Variants in RLF observed in about 807,000 individuals in gnomAD.
The protein encoded by RLF is zinc finger protein Rlf.
In RLF, 7 loss-of-function variants were observed where a neutral mutation model predicts 162.9. That is an observed-to-expected ratio of 0.04 (90% CI 0.02 to 0.08). The LOEUF (loss-of-function observed/expected upper bound fraction) is 0.08. Ranked by LOEUF, RLF falls within the 10% of genes least tolerant of loss-of-function variation. RLF has a pLI of 1.00. For synonymous variants in RLF, 782 were observed against 791.5 expected (o/e 0.99, Z 0.20); for missense variants, 1,664 against 2,244.7 (o/e 0.74, Z 5.23).
At chr1:40,210,423 G>T (rs1642850951) in intron 5 of RLF, among the ~76,000 whole-genome samples, 1 of 152,148 alleles carries the variant, frequency 6.6e-6, no homozygotes, top group African/African-American at 2.4e-5. Context: ...TAAAGCACAG[G>T]TACTAATGAG....
At chr1:40,173,108 C>CTTTTTTTTTT (rs1642270263) in intron 1 of RLF, among the ~76,000 whole-genome samples, 2 of 112,524 alleles carry the variant, frequency 1.8e-5, no homozygotes, top group African/African-American at 8.4e-5. Flanking sequence ...CAGAGTTTTG[C>CTTTTTTTTTT]TCTTATTGCC....
intron 6 of RLF, among the ~76,000 whole-genome samples, chr1:40,227,789 G>C (rs984870543): frequency 2.0e-5 from 3 of 152,128 alleles, no homozygotes; most frequent in Admixed American, 6.5e-5. Flanking sequence ...TGGATCATGA[G>C]TTCCGGAGTT....
At position 40,239,033 on chromosome 1, in the gene RLF, T is replaced by C; in HGVS notation, c.4331T>C (p.Ile1444Thr). 2.5e-6 allele frequency: 4 copies of C among 1,614,208 alleles called. No individual in the cohort carries two copies. The highest frequency in any genetic ancestry group is 3.4e-6 in the Non-Finnish European group (4 of 1,180,024). The change falls in exon 8 of 8, where the codon ATT (isoleucine) becomes ACT (threonine). Residue 1444 changes from isoleucine (I) to threonine (T), a missense_variant. Physicochemically the swap from Ile to Thr is moderately conservative, Grantham distance 89. This residue lies in a region of RLF where 200 missense variants were observed against 207.3 expected (regional missense o/e 0.96). Transcript: ENST00000372771. ...GGGGAAATACATTCAGATTATGAAATTCATTGTGATCTTAATGGCTGTGGC... is the reference window on the plus strand; with the variant it reads ...GGGGAAATACATTCAGATTATGAAACTCATTGTGATCTTAATGGCTGTGGC... Reference protein sequence around the residue: ...IEGEIHSDYEIHCDLNGCGQI... With the variant: ...IEGEIHSDYETHCDLNGCGQI...
At chr1:40,180,539 G>C (rs764736305) in intron 1 of RLF, among the ~76,000 whole-genome samples, 4 of 152,122 alleles carry the variant, frequency 2.6e-5, no homozygotes, top group Non-Finnish European at 5.9e-5. Flanking sequence ...TGAGATTACA[G>C]GTGTGAGCCA....
At chr1:40,202,346 C>G in intron 4 of RLF, 66 bp from the exon 5 acceptor site, 2 of 1,030,014 alleles carry the variant, frequency 1.9e-6, no homozygotes, top group Non-Finnish European at 2.8e-6. Context: ...CTCAAACTTT[C>G]ATCTTAGCAA....
rs371920206 is a variant in RLF, at chr1:40,207,173, A to G, written c.810+4559A>G. ...GTTTACTGGTATATCCCTGTATTCT[A>G]GAAGAATGCTTAGCCATGTAGGCAC... On this transcript the variant is annotated intron_variant, in intron 5 of 7. Transcript: ENST00000372771. Among the ~76,000 whole-genome samples, 111 of 152,340 alleles carry G rather than the reference A, an allele frequency of 7.3e-4. 5 individuals are homozygous for G. The South Asian group carries it at 0.023, about 31-fold the overall frequency.
At chr1:40,215,948 TAAATG>T (rs1196277378) in intron 5 of RLF, among the ~76,000 whole-genome samples, 1 of 151,574 alleles carries the variant, frequency 6.6e-6, no homozygotes, top group African/African-American at 2.4e-5. Flanking sequence ...AGAGTATAAA[TAAATG>T]AAATAGAGAA....
chr1:40,224,442 A>G (rs930985371), intron 6 of RLF, among the ~76,000 whole-genome samples: 2 of 149,942 alleles, frequency 1.3e-5, no homozygotes, highest in African/African-American at 2.5e-5. Context: ...ACGCCCGACT[A>G]ATTTTTGTAT....
intron 1 of RLF, among the ~76,000 whole-genome samples, chr1:40,178,619 G>GTTTTTTTTT (rs1197339822): frequency 2.3e-5 from 2 of 85,598 alleles, no homozygotes; most frequent in African/African-American, 4.4e-5. Flanking sequence ...TGTCTTTGGT[G>GTTTTTTTTT]TTTTTTTTTT....
chr1:40,221,220 A>AT (rs1310823069), intron 5 of RLF, among the ~76,000 whole-genome samples: 1 of 152,082 alleles, frequency 6.6e-6, no homozygotes, highest in African/African-American at 2.4e-5. Flanking sequence ...CAATTTAAAC[A>AT]TTTTTAATTT....
At chr1:40,231,440 A>G in intron 6 of RLF, 77 bp from the exon 7 acceptor site, 1 of 1,367,538 alleles carries the variant, frequency 7.3e-7, no homozygotes, top group Non-Finnish European at 1.0e-6. Flanking sequence ...CTACAGATCA[A>G]AAAATTGGGT....
At chr1:40,202,385 A>C in intron 4 of RLF, 27 bp from the exon 5 acceptor site, 1 of 1,478,278 alleles carries the variant, frequency 6.8e-7, no homozygotes, top group East Asian at 2.4e-5. Flanking sequence ...TATGTTGTCA[A>C]ACTGTTTTAT....
intron 6 of RLF, among the ~76,000 whole-genome samples, chr1:40,223,654 A>G (rs559386599): frequency 6.6e-6 from 1 of 152,332 alleles, no homozygotes; most frequent in South Asian, 2.1e-4. Context: ...GGTTAATACC[A>G]TTGTATGTTA....
intron 5 of RLF, among the ~76,000 whole-genome samples, chr1:40,204,379 C>T (rs1336831824): frequency 6.6e-6 from 1 of 151,844 alleles, no homozygotes; most frequent in Non-Finnish European, 1.5e-5. Context: ...AAATCTTCAC[C>T]TACTCTATGT....
intron 1 of RLF, among the ~76,000 whole-genome samples, chr1:40,162,157 C>T (rs1014998454): frequency 6.6e-6 from 1 of 151,140 alleles, no homozygotes; most frequent in Admixed American, 6.6e-5. Context: ...TTAGGGATTG[C>T]GGAGCCGGTT....
At chr1:40,204,141 G>A (rs761824590) in intron 5 of RLF, among the ~76,000 whole-genome samples, 5 of 149,760 alleles carry the variant, frequency 3.3e-5, no homozygotes, top group African/African-American at 4.9e-5. Flanking sequence ...TCAGCCTCCC[G>A]AGTAGCTGGG....
chr1:40,221,099 A>C (rs1215457413), intron 5 of RLF, among the ~76,000 whole-genome samples: 1 of 152,062 alleles, frequency 6.6e-6, no homozygotes, highest in East Asian at 1.9e-4. Context: ...CCCTAACTGC[A>C]CTGCAGCCTT....
Position 40,240,636 on chromosome 1 carries a change from A to G in RLF, c.*189A>G, listed in dbSNP as rs1643280965. The G allele has an allele frequency of 1.8e-6, 1 of 544,822 alleles. No homozygotes were observed. The allele number at this position is 544,822 out of a possible 1,614,324, so 33.7% of individuals were successfully genotyped here. On this transcript the variant is annotated 3_prime_UTR_variant, in exon 8 of 8. Coordinates refer to ENST00000372771, the MANE Select transcript of RLF (RefSeq NM_012421.4). ...CATTAGCTCTCCAGTTGGTTTAATG[A>G]TTGGGTTTATTTTTGTTTGTTTGTT... is the stretch of plus-strand genomic sequence containing the variant.
chr1:40,193,286 A>G (rs1642585624), intron 3 of RLF, among the ~76,000 whole-genome samples: 1 of 152,140 alleles, frequency 6.6e-6, no homozygotes, highest in Non-Finnish European at 1.5e-5. Context: ...TAGATTTAAC[A>G]TTATTTTTAA....
Sources: allele counts gnomAD v4.1 joint callset (sites outside exome capture counted in the v4.1 genomes callset), GRCh38; gene constraint gnomAD v4.1.1; regional missense constraint gnomAD v4.1.1; transcripts MANE v1.5; gene names NCBI Gene and HGNC (gene_info 2026-07-23, HGNC 2026-07-21).